CCAR2: variants seen among roughly 807,000 people sequenced by gnomAD.
CCAR2 encodes the protein cell cycle and apoptosis regulator protein 2.
A neutral mutation model predicts 108.1 loss-of-function variants in CCAR2; 21 were observed. That is an observed-to-expected ratio of 0.19 (90% CI 0.14 to 0.28). The LOEUF is 0.28. CCAR2 is among the 10% of genes least tolerant of loss of function. The probability of loss-of-function intolerance (pLI) is 1.00; values close to 1 mark genes in which losing one functional copy is unlikely to be tolerated. For synonymous variants in CCAR2, 577 were observed against 472.8 expected (o/e 1.22, Z -2.86); for missense variants, 1,126 against 1,177.0 (o/e 0.96, Z 0.63).
Position 22,620,346 on chromosome 8 carries a change from C to T in CCAR2, c.*664C>T, listed in dbSNP as rs1465233207. The T allele has an allele frequency of 2.6e-5, 4 of 152,458 alleles. No homozygotes were observed. The East Asian group carries it at 7.7e-4, about 29-fold the overall frequency. The allele number at this position is 152,458 out of a possible 1,614,324, so 9.4% of individuals were successfully genotyped here. On this transcript the variant is annotated 3_prime_UTR_variant, in exon 21 of 21. Transcript: ENST00000308511. Reference sequence around the variant, plus strand: ...GTATTGGCTCTGGCCCAGCCTTCTCCCCTGTTACCCATAATTCTTGCCTCT... The same window carrying T: ...GTATTGGCTCTGGCCCAGCCTTCTCTCCTGTTACCCATAATTCTTGCCTCT...
chr8:22,615,358 C>T (rs1323938564), intron 11 of CCAR2, 67 bp from the exon 12 acceptor site: 2 of 1,548,146 alleles, frequency 1.3e-6, no homozygotes, highest in African/African-American at 1.4e-5. Context: ...GAAGCCCTTG[C>T]CTGTGAACGT....
chr8:22,605,583 C>A, intron 1 of CCAR2, 153 bp from the exon 2 acceptor site: 1 of 591,792 alleles, frequency 1.7e-6, no homozygotes, highest in Non-Finnish European at 3.0e-6. Flanking sequence ...TCATTTCTTT[C>A]TTCTCTATAT....
In CCAR2 at chr8:22,613,105, C is replaced by G. The variant is rs769599381; in HGVS notation, c.673C>G (p.Arg225Gly). ...KKPRHDLPPY[R>G]VHLTPYTVDS... ...GCCAAGGCATGACCTGCCTCCTTACCGGGTCCACCTCACTCCTTACACTGT... is the reference window on the plus strand; with the variant it reads ...GCCAAGGCATGACCTGCCTCCTTACGGGGTCCACCTCACTCCTTACACTGT... Residue 225 changes from arginine (R) to glycine (G), a missense_variant, in exon 8 of 21, where the codon CGG becomes GGG. Coordinates refer to ENST00000308511, the MANE Select transcript of CCAR2 (RefSeq NM_001393997.1). 3 of 1,612,198 alleles carry G rather than the reference C, an allele frequency of 1.9e-6. No individual in the cohort carries two copies. Among genetic ancestry groups the G allele is most frequent in the Non-Finnish European group, 2.5e-6 (3 of 1,179,508 alleles).
chr8:22,613,779 T>C (rs1030926101), intron 8 of CCAR2: 9 of 335,206 alleles, frequency 2.7e-5, no homozygotes, highest in African/African-American at 1.9e-4. Flanking sequence ...TAAGAACCTA[T>C]TGATGTCAAT....
At chr8:22,612,220 A>C (rs1290861978) in intron 7 of CCAR2, among the ~76,000 whole-genome samples, 2 of 149,522 alleles carry the variant, frequency 1.3e-5, no homozygotes, top group African/African-American at 2.5e-5. Flanking sequence ...GTGCTGGGAT[A>C]ACAGGCGTGA....
chr8:22,608,125 A>T (rs957601594), intron 7 of CCAR2, 60 bp downstream of exon 7: 52 of 1,359,834 alleles, frequency 3.8e-5, no homozygotes, highest in South Asian at 5.0e-5. Context: ...TCTTTATTTT[A>T]TTATTATTTT....
At chr8:22,618,803 A>ATTCT in intron 18 of CCAR2, 24 bp from the exon 19 acceptor site, 1 of 1,613,092 alleles carries the variant, frequency 6.2e-7, no homozygotes, top group Non-Finnish European at 8.5e-7. Context: ...TCCATCCTGA[A>ATTCT]TTCTTTTTCA....
intron 19 of CCAR2, 65 bp from the exon 20 acceptor site, chr8:22,619,085 A>T: frequency 6.3e-7 from 1 of 1,599,876 alleles, no homozygotes; most frequent in South Asian, 1.1e-5. Flanking sequence ...GCTTAGGCTC[A>T]GGCCCTGCCC....
At chr8:22,610,210 A>G (rs1052832369) in intron 7 of CCAR2, among the ~76,000 whole-genome samples, 24 of 152,240 alleles carry the variant, frequency 1.6e-4, no homozygotes, top group Non-Finnish European at 1.5e-5. Flanking sequence ...GAAGTAGGTC[A>G]TTCTGGGGCA....
rs1270476844 is a variant in CCAR2, at chr8:22,605,767, G to A, written c.-7G>A. ...CCCCACGACTCTGAAAGAGGACAGC[G>A]TTCCCAATGTCCCAGTTTAAGCGCC... On this transcript the variant is annotated 5_prime_UTR_variant, in exon 2 of 21. Coordinates refer to ENST00000308511, the MANE Select transcript of CCAR2 (RefSeq NM_001393997.1). 1.4e-5 allele frequency: 23 copies of A among 1,613,470 alleles called. No individual in the cohort carries two copies. The East Asian group carries it at 3.1e-4, about 22-fold the overall frequency.
Position 22,618,466 on chromosome 8 carries a change from A to G in CCAR2, c.2191A>G (p.Thr731Ala), listed in dbSNP as rs749361155. The part of the protein sequence containing the change: ...HRRDLERILL[T>A]LGIRLSAEQA... ...GCGAGACTTAGAGAGGATCCTCCTT[A>G]CCCTTGGGATCCGGCTCAGTGCAGA... The change falls in exon 17 of 21, where the codon ACC becomes GCC. Residue 731 changes from threonine to alanine, a missense_variant. Coordinates refer to ENST00000308511, the MANE Select transcript of CCAR2 (RefSeq NM_001393997.1). 27 of 1,613,882 alleles carry G rather than the reference A, an allele frequency of 1.7e-5. No individual in the cohort carries two copies. In the South Asian group the frequency reaches 2.6e-4, roughly 16 times the overall value.
At chr8:22,613,210 T>C (rs1157619638) in intron 8 of CCAR2, 74 bp downstream of exon 8, 19 of 1,416,712 alleles carry the variant, frequency 1.3e-5, no homozygotes, top group Non-Finnish European at 1.8e-5. Context: ...ATGGCGTCTA[T>C]GCAAGTGCAC....
chr8:22,617,501 C>A lies in CCAR2; in HGVS notation c.1927C>A (p.Leu643Met). 1.2e-6 allele frequency: 2 copies of A among 1,606,664 alleles called. No individual in the cohort carries two copies. The highest frequency in any genetic ancestry group is 2.2e-5 in the East Asian group (1 of 44,756). Residue 643 changes from leucine (L) to methionine (M), a missense_variant, in exon 15 of 21, where the codon CTG becomes ATG. By Grantham distance (15) the Leu-to-Met change is conservative (BLOSUM62 2). Transcript: ENST00000308511. ...EKPRGEASED[L>M]CEMALDPELL... is the part of the protein sequence containing the mutation. The stretch of plus-strand genomic sequence containing the variant: ...ACCCCGGGGCGAGGCTTCTGAGGAC[C>A]TGTGTGAGATGGCCCTGGACCCAGA...
chr8:22,609,385 C>G (rs1174571147), intron 7 of CCAR2, among the ~76,000 whole-genome samples: 1 of 152,142 alleles, frequency 6.6e-6, no homozygotes, highest in African/African-American at 2.4e-5. Context: ...CTCCTGGGCT[C>G]AAGTCATCTT....
At chr8:22,618,326 G>A (rs995834995) in intron 16 of CCAR2, 23 bp from the exon 17 acceptor site, 54 of 1,613,904 alleles carry the variant, frequency 3.3e-5, no homozygotes, top group Non-Finnish European at 4.3e-5. Context: ...TGCAAATCCT[G>A]CTCATCTTTG....
At position 22,614,142 on chromosome 8, in the gene CCAR2, T is replaced by A. The variant is rs1356660070; in HGVS notation, c.755T>A (p.Val252Asp). 6.2e-7 allele frequency: 1 copy of A among 1,614,068 alleles called. No individual in the cohort carries two copies. The highest frequency in any genetic ancestry group is 8.5e-7 in the Non-Finnish European group (1 of 1,180,028). ...CAGCGCCGTTACCGCAGCCTCCTGG[T>A]CCCCTCAGATTTTCTGTCCGTGCAT... ...ELQRRYRSLLVPSDFLSVHLS... is the reference protein window; with the variant it reads ...ELQRRYRSLLDPSDFLSVHLS... The change falls in exon 9 of 21, where the codon GTC becomes GAC. Residue 252 changes from valine to aspartate, a missense_variant. Val to Asp is a radical substitution (Grantham distance 152). Transcript: ENST00000308511.
intron 2 of CCAR2, 122 bp downstream of exon 2, chr8:22,605,953 A>G: frequency 1.6e-6 from 2 of 1,281,094 alleles, no homozygotes; most frequent in South Asian, 2.5e-5. Flanking sequence ...GGAGATGCCC[A>G]CAGTGATTGC....
intron 6 of CCAR2, 124 bp from the exon 7 acceptor site, chr8:22,607,845 T>C (rs1801137542): frequency 2.8e-6 from 2 of 720,842 alleles, no homozygotes; most frequent in South Asian, 3.7e-5. Context: ...AGGCTAGTCT[T>C]GAACTCCTGA....
intron 10 of CCAR2, 112 bp from the exon 11 acceptor site, chr8:22,614,726 T>C (rs1350883212): frequency 1.2e-6 from 1 of 811,230 alleles, no homozygotes; most frequent in Non-Finnish European, 1.8e-6. Context: ...CACTGTGTGG[T>C]GGACTTCCCC....
Sources: gnomAD v4.1 joint callset for allele counts (sites outside exome capture counted in the v4.1 genomes callset) on GRCh38, gnomAD v4.1.1 for gene constraint, MANE v1.5 for transcripts, NCBI Gene and HGNC (gene_info 2026-07-23, HGNC 2026-07-21) for gene names.